Variants in TNS3 observed in about 807,000 individuals in gnomAD.
TNS3 encodes tensin-3.
In TNS3, 45 loss-of-function variants were observed where a neutral mutation model predicts 140.9. That is an observed-to-expected ratio of 0.32 (90% CI 0.25 to 0.41). The LOEUF is 0.41. Ranked by LOEUF, TNS3 falls within the 10% of genes least tolerant of loss-of-function variation. TNS3 has a pLI of 1.00. For missense variants in TNS3, 1,716 were observed against 1,906.7 expected, an observed-to-expected ratio of 0.90 and a Z score of 1.86; for synonymous variants, 815 against 788.4, an observed-to-expected ratio of 1.03 and a Z score of -0.56.
rs111252605 is a variant in TNS3 at position 47,324,601 on chromosome 7, A to C, written c.2651-19598T>G. ...ACCCCATCTCTACTAAAAAGACAAA[A>C]ATTAGCCGTGTGTGGTGGTGCACAT... On this transcript the variant is annotated intron_variant, in intron 20 of 30. Coordinates refer to ENST00000311160, the MANE Select transcript of TNS3 (RefSeq NM_022748.12). Among the ~76,000 whole-genome samples the C allele has an allele frequency of 5.5e-3, 839 of 152,210 alleles. 7 individuals carry two copies. Among genetic ancestry groups the C allele is most frequent in the African/African-American group, 0.019 (795 of 41,536 alleles).
At chr7:47,497,662 A>AACACACACACACACACAC (rs6150097) in intron 3 of TNS3, among the ~76,000 whole-genome samples, 19 of 91,222 alleles carry the variant, frequency 2.1e-4, no homozygotes, top group African/African-American at 5.6e-4. Context: ...TCACGTATGG[A>AACACACACACACACACAC]ACACACACAC....
chr7:47,411,905 C>T lies in TNS3; in HGVS notation c.648-103G>A, dbSNP rs565845416. 2.8e-4 allele frequency: 287 copies of T among 1,033,460 alleles called. 1 individual carries two copies. The African/African-American group carries it at 4.3e-3, about 15-fold the overall frequency. The allele number at this position is 1,033,460 out of a possible 1,614,324, so 64.0% of individuals were successfully genotyped here. On this transcript the variant is annotated intron_variant, in intron 12 of 30. Transcript: ENST00000311160. ...CCTACAACCCAAAACTCAGAAATTA[C>T]ACAGAATGCCCAATCAGCCCAGAAT...
At chr7:47,408,025 C>G (rs945881596) in intron 13 of TNS3, among the ~76,000 whole-genome samples, 1 of 152,050 alleles carries the variant, frequency 6.6e-6, no homozygotes. Flanking sequence ...CAGCAAGAGG[C>G]GGCTGGCGGG....
At chr7:47,448,474 C>T (rs1413002405) in intron 4 of TNS3, among the ~76,000 whole-genome samples, 1 of 114,036 alleles carries the variant, frequency 8.8e-6, no homozygotes, top group Non-Finnish European at 1.8e-5. Flanking sequence ...GGTGGGAATT[C>T]GATTTTTTTT....
intron 17 of TNS3, among the ~76,000 whole-genome samples, chr7:47,353,239 C>G (rs1205435703): frequency 2.6e-5 from 4 of 152,180 alleles, no homozygotes; most frequent in Admixed American, 6.5e-5. Context: ...TCTGTCCAAG[C>G]TGAGACACCC....
At chr7:47,453,090 C>T in intron 4 of TNS3, 1 of 985,624 alleles carries the variant, frequency 1.0e-6, no homozygotes, top group Non-Finnish European at 1.2e-6. Flanking sequence ...GCTGGAATAG[C>T]CCACCAGGTG....
chr7:47,340,092 CATATAT>C (rs199944761), intron 20 of TNS3, among the ~76,000 whole-genome samples: 580 of 45,970 alleles, frequency 0.013, 19 homozygotes, highest in African/African-American at 0.041. Context: ...TGTGCATATA[CATATAT>C]ATATATATAT....
At chr7:47,551,936 C>T (rs1296912843) in intron 1 of TNS3, among the ~76,000 whole-genome samples, 1 of 152,044 alleles carries the variant, frequency 6.6e-6, no homozygotes, top group Non-Finnish European at 1.5e-5. Flanking sequence ...ACCGTGTGTC[C>T]ACCGGGAGCG....
chr7:47,401,178 C>A (rs1322927074), intron 13 of TNS3, among the ~76,000 whole-genome samples: 2 of 152,206 alleles, frequency 1.3e-5, no homozygotes, highest in African/African-American at 2.4e-5. Flanking sequence ...TCCTGTGGAA[C>A]CGCAGCTCTG....
chr7:47,342,056 T>C (rs1366495017), intron 20 of TNS3, among the ~76,000 whole-genome samples: 1 of 152,078 alleles, frequency 6.6e-6, no homozygotes, highest in African/African-American at 2.4e-5. Flanking sequence ...AGTGAGTCCA[T>C]TGTGGTTGGA....
intron 2 of TNS3, among the ~76,000 whole-genome samples, chr7:47,522,040 A>T (rs556119771): frequency 6.6e-6 from 1 of 152,134 alleles, no homozygotes; most frequent in African/African-American, 2.4e-5. Context: ...GCAAGGGTGG[A>T]GCAGCAGGCA....
At chr7:47,531,627 AG>A (rs1799406946) in intron 1 of TNS3, among the ~76,000 whole-genome samples, 1 of 152,276 alleles carries the variant, frequency 6.6e-6, no homozygotes, top group African/African-American at 2.4e-5. Context: ...CATATGTAAA[AG>A]TAAATTTTCT....
At chr7:47,513,593 C>A (rs1229139323) in intron 2 of TNS3, among the ~76,000 whole-genome samples, 1 of 152,232 alleles carries the variant, frequency 6.6e-6, no homozygotes, top group African/African-American at 2.4e-5. Context: ...CATGTAATCA[C>A]CAGATGAATG....
intron 16 of TNS3, among the ~76,000 whole-genome samples, chr7:47,389,043 A>T (rs1262724222): frequency 2.5e-5 from 1 of 40,568 alleles, no homozygotes; most frequent in African/African-American, 1.2e-4. Flanking sequence ...GAAGAAGAAG[A>T]AGAAGAAGAA....
intron 16 of TNS3, among the ~76,000 whole-genome samples, chr7:47,370,836 G>A (rs1481028046): frequency 6.6e-6 from 1 of 152,232 alleles, no homozygotes; most frequent in East Asian, 1.9e-4. Flanking sequence ...ACTGAGCCTG[G>A]CCCAGGAGCC....
At chr7:47,418,858 G>C (rs1442255485) in intron 10 of TNS3, among the ~76,000 whole-genome samples, 1 of 152,194 alleles carries the variant, frequency 6.6e-6, no homozygotes, top group African/African-American at 2.4e-5. Flanking sequence ...TGAAATGGTG[G>C]GTGCATAAAA....
intron 8 of TNS3, among the ~76,000 whole-genome samples, chr7:47,430,198 G>C (rs2151507124): frequency 6.7e-6 from 1 of 149,432 alleles, no homozygotes; most frequent in Non-Finnish European, 1.5e-5. Flanking sequence ...GAACGATCTT[G>C]GCTCACGGCA....
intron 1 of TNS3, among the ~76,000 whole-genome samples, chr7:47,568,921 A>G (rs976328828): frequency 5.3e-5 from 8 of 152,302 alleles, no homozygotes; most frequent in African/African-American, 1.9e-4. Context: ...GGGACACACT[A>G]TCTCCTCCTC....
Position 47,426,852 on chromosome 7 carries a change from G to A in TNS3, c.389+1460C>T, listed in dbSNP as rs111375492. ...TAGAAATGCTCAGGTGTGGCTGGGC[G>A]TGGTGGCTCACACCTGTAATCCCAG... On this transcript the variant is annotated intron_variant, in intron 9 of 30. Transcript: ENST00000311160. Among the ~76,000 whole-genome samples the A allele has an allele frequency of 8.2e-3, 1,252 of 152,208 alleles. 7 individuals are homozygous for A. The highest frequency in any genetic ancestry group is 0.029 in the African/African-American group (1,193 of 41,524).
Sources: allele counts gnomAD v4.1 joint callset (sites outside exome capture counted in the v4.1 genomes callset), GRCh38; gene constraint gnomAD v4.1.1; transcripts MANE v1.5; gene names NCBI Gene and HGNC (gene_info 2026-07-23, HGNC 2026-07-21).